Variants in BSPRY observed in about 807,000 individuals in gnomAD.
BSPRY encodes the protein B-box and SPRY domain containing.
BSPRY carries 33 observed loss-of-function variants against 38.0 expected under a neutral mutation model. The ratio of observed to expected loss-of-function variants is 0.87; its 90% CI spans 0.66 to 1.16. The LOEUF (loss-of-function observed/expected upper bound fraction) is 1.16, where lower values mean the gene tolerates loss of function less well. Among genes scored for constraint, BSPRY ranks in the 50% most tolerant of loss-of-function variants. The pLI is 0.00. For missense variants in BSPRY, 523 were observed against 533.2 expected (o/e 0.98, Z 0.19); for synonymous variants, 224 against 228.5 (o/e 0.98, Z 0.18).
At chr9:113,356,996 A>G (rs1213488440) in intron 2 of BSPRY, among the ~76,000 whole-genome samples, 5 of 152,112 alleles carry the variant, frequency 3.3e-5, no homozygotes, top group Non-Finnish European at 5.9e-5. Flanking sequence ...TAAATTTGGG[A>G]TTTATCAGTG....
intron 1 of BSPRY, among the ~76,000 whole-genome samples, chr9:113,350,136 C>T (rs1477666251): frequency 1.3e-5 from 2 of 152,098 alleles, no homozygotes; most frequent in African/African-American, 2.4e-5. Flanking sequence ...CTCCCCAGGC[C>T]CCTTCCATTG....
At chr9:113,352,488 C>CACACACACACAA (rs1382686218) in intron 1 of BSPRY, among the ~76,000 whole-genome samples, 2 of 152,118 alleles carry the variant, frequency 1.3e-5, no homozygotes, top group Non-Finnish European at 2.9e-5. Context: ...GAGACACACA[C>CACACACACACAA]ACACACACAC....
In BSPRY at chr9:113,360,650, G is replaced by A. The variant is rs1380976053; in HGVS notation, c.444G>A (p.Val148=). 10 of 1,609,136 alleles carry A rather than the reference G, an allele frequency of 6.2e-6. No individual in the cohort carries two copies. Among genetic ancestry groups the A allele is most frequent in the Admixed American group, 1.7e-5 (1 of 59,452 alleles). The change falls in exon 3 of 6, where the codon GTG becomes GTA. Residue 148 remains valine, a synonymous_variant. Transcript: ENST00000374183. ...ACCAGAGCATCCTGACACAGCGGGT[G>A]CACTGGGCCGAGGCGCTGCAGAAAC... is the stretch of plus-strand genomic sequence containing the variant. ...RAHQSILTQR[V]HWAEALQKLD...
Position 113,370,233 on chromosome 9 carries a change from G to GT in BSPRY, c.*94dup. 1 of 1,436,994 alleles carries GT rather than the reference G, an allele frequency of 7.0e-7. No homozygotes were observed. The highest frequency in any genetic ancestry group is 9.4e-7 in the Non-Finnish European group (1 of 1,068,882). 89.0% of individuals were successfully genotyped at this position (1,436,994 alleles called of 1,614,324 possible). A position where few individuals can be genotyped will look rare whatever the true frequency, so the allele number is the denominator to read the frequency against. ...GCTTTTCCCAAATGATGTGTGTGGT[G>GT]TTTCTAAGAGAAACAGGGCCCATAA... On this transcript the variant is annotated 3_prime_UTR_variant, in exon 6 of 6. Transcript: ENST00000374183. The surrounding 1 kb of genome is among the most constrained non-coding windows in gnomAD (Gnocchi z 4.8).
intron 5 of BSPRY, among the ~76,000 whole-genome samples, chr9:113,368,869 A>G (rs537276807): frequency 1.3e-5 from 2 of 152,266 alleles, no homozygotes; most frequent in East Asian, 3.9e-4. Context: ...TTCTGCCTCC[A>G]GGAATTCCCA....
At chr9:113,365,089 T>TA (rs1334897452) in intron 4 of BSPRY, among the ~76,000 whole-genome samples, 1 of 152,206 alleles carries the variant, frequency 6.6e-6, no homozygotes, top group Non-Finnish European at 1.5e-5. Context: ...TGATCTGTCT[T>TA]CAGTTCATCA....
Position 113,349,573 on chromosome 9 carries a change from C to G in BSPRY, c.-7C>G. ...ACAGGTGGAGCGCACGGGGCGGGCG[C>G]ACGGCCATGTCCGCCGAGGGCGCGG... On this transcript the variant is annotated 5_prime_UTR_variant, in exon 1 of 6. Coordinates refer to ENST00000374183, the MANE Select transcript of BSPRY (RefSeq NM_017688.3). 1 of 1,155,578 alleles carries G rather than the reference C, an allele frequency of 8.7e-7. No individual in the cohort carries two copies. The highest frequency in any genetic ancestry group is 1.1e-6 in the Non-Finnish European group (1 of 939,900). The allele number at this position is 1,155,578 out of a possible 1,614,324, so 71.6% of individuals were successfully genotyped here.
rs1256418307 is a variant in BSPRY, at chr9:113,360,732, C to G, written c.526C>G (p.Leu176Val). ...GMLTHLDDLQ[L>V]IQKEQEIFER... ...GCTTACTCACCTGGATGACCTCCAG[C>G]TGATTGTAAGTCAGGCAAGGGTGAG... Residue 176 changes from leucine (L) to valine (V), a missense_variant, in exon 3 of 6, where the codon CTG (leucine) becomes GTG (valine). Leu to Val is a conservative substitution (Grantham distance 32). Coordinates refer to ENST00000374183, the MANE Select transcript of BSPRY (RefSeq NM_017688.3). 6.3e-7 allele frequency: 1 copy of G among 1,583,098 alleles called. No homozygotes were observed. Among genetic ancestry groups the G allele is most frequent in the Non-Finnish European group, 8.6e-7 (1 of 1,165,218 alleles).
intron 1 of BSPRY, among the ~76,000 whole-genome samples, chr9:113,353,422 C>G (rs7025188): frequency 0.55 from 82,618 of 151,226 alleles, 22,824 homozygotes; most frequent in South Asian, 0.64. Context: ...GAAACAAACG[C>G]CTGGGTGCGG....
chr9:113,352,665 G>A (rs766905835), intron 1 of BSPRY, among the ~76,000 whole-genome samples: 3 of 152,234 alleles, frequency 2.0e-5, no homozygotes, highest in Admixed American at 6.5e-5. Context: ...AAGCTAAGAA[G>A]CCTGATGTCA....
chr9:113,360,056 T>C (rs1834123004), intron 2 of BSPRY, among the ~76,000 whole-genome samples: 1 of 152,160 alleles, frequency 6.6e-6, no homozygotes, highest in Admixed American at 6.5e-5. Context: ...TTTTAGGAAG[T>C]CATCAGTTTT....
chr9:113,354,256 A>G lies in BSPRY; in HGVS notation c.218A>G (p.Gln73Arg). The G allele has an allele frequency of 6.2e-7, 1 of 1,614,198 alleles. No homozygotes were observed. Among genetic ancestry groups the G allele is most frequent in the African/African-American group, 1.3e-5 (1 of 75,060 alleles). The change falls in exon 2 of 6, where the codon CAG becomes CGG. Residue 73 changes from glutamine to arginine, a missense_variant. By Grantham distance (43) the Gln-to-Arg change is conservative. Coordinates refer to ENST00000374183, the MANE Select transcript of BSPRY (RefSeq NM_017688.3). ...AEELRNKIVD[Q>R]CERLQLQSAA... ...GTGTTGCAGAACAAGATTGTGGACC[A>G]GTGTGAGAGGCTGCAGTTACAGAGT... is the stretch of plus-strand genomic sequence containing the variant.
At chr9:113,357,527 C>T (rs1453116314) in intron 2 of BSPRY, among the ~76,000 whole-genome samples, 1 of 152,118 alleles carries the variant, frequency 6.6e-6, no homozygotes, top group Admixed American at 6.6e-5. Context: ...GATTTGGTAT[C>T]AAGGTTATGT....
At chr9:113,366,541 T>C (rs1261312674) in intron 4 of BSPRY, among the ~76,000 whole-genome samples, 2 of 152,194 alleles carry the variant, frequency 1.3e-5, no homozygotes, top group African/African-American at 4.8e-5. Flanking sequence ...GTTCAGGCCC[T>C]TTTTCATTTC....
chr9:113,350,349 G>C (rs1564330355), intron 1 of BSPRY, among the ~76,000 whole-genome samples: 1 of 152,122 alleles, frequency 6.6e-6, no homozygotes, highest in Non-Finnish European at 1.5e-5. Flanking sequence ...CTGGTGCGGT[G>C]ATCTCTTTTT....
At chr9:113,352,350 C>T (rs928237495) in intron 1 of BSPRY, among the ~76,000 whole-genome samples, 1 of 152,166 alleles carries the variant, frequency 6.6e-6, no homozygotes, top group Non-Finnish European at 1.5e-5. Flanking sequence ...TAAACAAACA[C>T]ATAATATATA....
chr9:113,350,882 A>G (rs1038065390), intron 1 of BSPRY, among the ~76,000 whole-genome samples: 16 of 152,318 alleles, frequency 1.1e-4, no homozygotes, highest in African/African-American at 3.4e-4. Context: ...CAAACTCCAA[A>G]GTACTTAAAT....
Position 113,349,691 on chromosome 9 carries a change from C to G in BSPRY, c.112C>G (p.Arg38Gly). Residue 38 changes from arginine to glycine, a missense_variant, in exon 1 of 6, where the codon CGG becomes GGG. Physicochemically the swap from Arg to Gly is moderately radical, Grantham distance 125 (BLOSUM62 -2). Transcript: ENST00000374183. ...ALSWFCGSER[R>G]PVCAACAGLG... Reference sequence around the variant, plus strand: ...GAGCTGGTTCTGCGGCTCCGAGCGACGGCCCGTGTGCGCCGCCTGCGCGGG... The same window carrying G: ...GAGCTGGTTCTGCGGCTCCGAGCGAGGGCCCGTGTGCGCCGCCTGCGCGGG... The G allele has an allele frequency of 8.1e-7, 1 of 1,239,136 alleles. No homozygotes were observed. The highest frequency in any genetic ancestry group is 1.0e-6 in the Non-Finnish European group (1 of 991,760). The allele number at this position is 1,239,136 out of a possible 1,614,324, so 76.8% of individuals were successfully genotyped here. A position where few individuals can be genotyped will look rare whatever the true frequency, so the allele number is the denominator to read the frequency against.
Position 113,368,313 on chromosome 9 carries a change from T to C in BSPRY, c.612T>C (p.Phe204=), listed in dbSNP as rs577779388. ...CCCAGGAGTCGGAAATGTTAAACTT[T>C]AATGAGAAGTGCACTCGGAGCCCAC... ...LDPQESEMLN[F]NEKCTRSPLL... is the part of the protein sequence containing the mutation. The change falls in exon 5 of 6, where the codon TTT becomes TTC. Residue 204 remains phenylalanine, a synonymous_variant. Transcript: ENST00000374183. The C allele has an allele frequency of 7.4e-5, 120 of 1,614,130 alleles. No individual in the cohort carries two copies. In the Middle Eastern group the frequency reaches 1.5e-3, roughly 20 times the overall value.
Sources: allele counts gnomAD v4.1 joint callset (sites outside exome capture counted in the v4.1 genomes callset), GRCh38; gene constraint gnomAD v4.1.1; non-coding constraint Gnocchi (gnomAD v3.1); transcripts MANE v1.5; gene names NCBI Gene and HGNC (gene_info 2026-07-23, HGNC 2026-07-21).